The following NR2C2 variants were observed in gnomAD, a reference collection of about 807,000 sequenced individuals.
NR2C2 encodes Nuclear hormone receptor TR4.
In NR2C2, 6 loss-of-function variants were observed where a neutral mutation model predicts 62.9. The observed-to-expected ratio is 0.10, with a 90% CI of 0.05 to 0.19. The LOEUF (loss-of-function observed/expected upper bound fraction) is 0.19. Among genes scored for constraint, NR2C2 ranks in the 10% least tolerant of loss-of-function variants. The pLI, the probability that NR2C2 is intolerant of heterozygous loss-of-function variation, is 1.00. For synonymous variants in NR2C2, 272 were observed against 273.8 expected (o/e 0.99, Z 0.07); for missense variants, 479 against 762.7 (o/e 0.63, Z 4.38).
intron 2 of NR2C2, among the ~76,000 whole-genome samples, chr3:15,009,641 A>G (rs760804943): frequency 1.3e-5 from 2 of 152,238 alleles, no homozygotes; most frequent in South Asian, 4.1e-4. Flanking sequence ...GTTTACAGAC[A>G]GGAATTTAAG....
intron 3 of NR2C2, among the ~76,000 whole-genome samples, chr3:15,015,464 A>G (rs189377236): frequency 1.9e-4 from 29 of 152,336 alleles, no homozygotes; most frequent in Non-Finnish European, 3.7e-4. Flanking sequence ...TTAATTAATA[A>G]AGTTTGGTTA....
chr3:14,950,955 C>T (rs1265583583), intron 1 of NR2C2, among the ~76,000 whole-genome samples: 1 of 152,204 alleles, frequency 6.6e-6, no homozygotes, highest in Admixed American at 6.5e-5. Context: ...AGATATGCCA[C>T]TTTCTGGAGA....
At chr3:14,972,793 A>C (rs1348111955) in intron 1 of NR2C2, among the ~76,000 whole-genome samples, 1 of 152,176 alleles carries the variant, frequency 6.6e-6, no homozygotes, top group Non-Finnish European at 1.5e-5. Context: ...CAGACAAAGC[A>C]GGAGCAGGTG....
At chr3:14,957,254 C>T (rs1245928267) in intron 1 of NR2C2, among the ~76,000 whole-genome samples, 1 of 151,910 alleles carries the variant, frequency 6.6e-6, no homozygotes, top group Non-Finnish European at 1.5e-5. Flanking sequence ...CAGCCTCACT[C>T]ATTCCTATTA....
chr3:14,958,744 G>A (rs2039601372), intron 1 of NR2C2, among the ~76,000 whole-genome samples: 1 of 152,248 alleles, frequency 6.6e-6, no homozygotes, highest in Non-Finnish European at 1.5e-5. Context: ...TTGGAAGGCT[G>A]AGGCAGGCAG....
rs557273832 is a variant in NR2C2 at position 15,043,863 on chromosome 3, G to C, written c.*855G>C. ...TAGTCAGACATTAACTGCCAAATGA[G>C]ATGTACAGTTCCTCCAGCAAGTGAA... On this transcript the variant is annotated 3_prime_UTR_variant, in exon 14 of 14. Coordinates refer to ENST00000425241, the MANE Select transcript of NR2C2 (RefSeq NM_001291694.2). 6.6e-6 allele frequency: 1 copy of C among 152,346 alleles called. No individual in the cohort carries two copies. Among genetic ancestry groups the C allele is most frequent in the South Asian group, 2.1e-4 (1 of 4,824 alleles). 9.4% of individuals were successfully genotyped at this position (152,346 alleles called of 1,614,324 possible). A position where few individuals can be genotyped will look rare whatever the true frequency, so the allele number is the denominator to read the frequency against.
chr3:14,974,962 T>C (rs1012939154), intron 1 of NR2C2, among the ~76,000 whole-genome samples: 2 of 152,234 alleles, frequency 1.3e-5, no homozygotes, highest in African/African-American at 4.8e-5. Context: ...GCTTCCTTGG[T>C]TAAATTTAAT....
intron 8 of NR2C2, among the ~76,000 whole-genome samples, chr3:15,029,792 A>AC (rs1553571907): frequency 2.2e-5 from 3 of 139,194 alleles, no homozygotes; most frequent in Non-Finnish European, 3.0e-5. Context: ...GTAAATAAAT[A>AC]ATAGATAGAT....
In NR2C2 at chr3:15,039,095, T is replaced by TGGG. The variant is rs10663366; in HGVS notation, c.1511-20_1511-18dup. On this transcript the variant is annotated intron_variant, in intron 12 of 13. Coordinates refer to ENST00000425241, the MANE Select transcript of NR2C2 (RefSeq NM_001291694.2). Reference sequence around the variant, plus strand: ...GAGACTTTTCAAATACAGAGGGAACTGGGGGGGGGTACTTTTCTGTTTTCA... The same window carrying TGGG: ...GAGACTTTTCAAATACAGAGGGAACTGGGGGGGGGGGGTACTTTTCTGTTTTCA... 2.7e-4 allele frequency: 386 copies of TGGG among 1,443,218 alleles called. 1 individual carries two copies. Among genetic ancestry groups the TGGG allele is most frequent in the African/African-American group, 1.7e-3 (122 of 70,522 alleles). The allele number at this position is 1,443,218 out of a possible 1,614,324, so 89.4% of individuals were successfully genotyped here.
At chr3:15,004,581 T>C (rs77813966) in intron 2 of NR2C2, 69,284 of 1,612,742 alleles carry the variant, frequency 0.043, 1,692 homozygotes, top group South Asian at 0.049. Flanking sequence ...CTCTGGCCCA[T>C]TGAGTGTTTT....
chr3:14,965,632 T>G (rs2039825509), intron 1 of NR2C2, among the ~76,000 whole-genome samples: 1 of 137,412 alleles, frequency 7.3e-6, no homozygotes, highest in Non-Finnish European at 1.6e-5. Context: ...TTCCTAGATT[T>G]CCTTGCTGTT....
intron 1 of NR2C2, among the ~76,000 whole-genome samples, chr3:14,969,168 C>T (rs1219794010): frequency 1.3e-5 from 2 of 151,720 alleles, no homozygotes; most frequent in East Asian, 3.9e-4. Context: ...AAAAAAATTT[C>T]CCTCTATAAC....
intron 4 of NR2C2, 77 bp downstream of exon 4, chr3:15,016,331 T>A: frequency 9.4e-7 from 1 of 1,060,698 alleles, no homozygotes; most frequent in Non-Finnish European, 1.4e-6. Flanking sequence ...GGGGTGGTAG[T>A]TAATTTAGAA....
intron 1 of NR2C2, among the ~76,000 whole-genome samples, chr3:14,980,317 T>TAA (rs748246980): frequency 3.4e-4 from 47 of 136,322 alleles, no homozygotes; most frequent in Middle Eastern, 7.2e-3. Context: ...CCCAGCTAAT[T>TAA]AAAAAAAAAA....
rs763313275 is a variant in NR2C2, at chr3:15,034,769, G to A, written c.1332G>A (p.Leu444=). The A allele has an allele frequency of 1.9e-6, 3 of 1,613,888 alleles. No individual in the cohort carries two copies. Among genetic ancestry groups the A allele is most frequent in the Non-Finnish European group, 2.5e-6 (3 of 1,179,906 alleles). ...AGGTCATGAGTCTCTCCACCATCCT[G>A]GCTGCCATTGTCAACCACCTGCAGA... ...CAQVMSLSTI[L]AAIVNHLQNS... Residue 444 remains leucine, a synonymous_variant, in exon 11 of 14, where the codon CTG becomes CTA. Transcript: ENST00000425241.
chr3:15,037,776 G>A (rs2042145548), intron 11 of NR2C2, among the ~76,000 whole-genome samples: 1 of 152,218 alleles, frequency 6.6e-6, no homozygotes, highest in Non-Finnish European at 1.5e-5. Context: ...AGAATCACTG[G>A]TCTAGGGATT....
At chr3:15,019,495 A>G (rs1181160156) in intron 4 of NR2C2, among the ~76,000 whole-genome samples, 1 of 152,250 alleles carries the variant, frequency 6.6e-6, no homozygotes, top group Admixed American at 6.5e-5. Flanking sequence ...ACTATTTACA[A>G]TGGCCAAGAT....
chr3:14,989,564 G>A (rs1384473619), intron 1 of NR2C2, among the ~76,000 whole-genome samples: 1 of 152,090 alleles, frequency 6.6e-6, no homozygotes, highest in East Asian at 1.9e-4. Context: ...AGAGGCCCAG[G>A]TGGAAGGATC....
At chr3:15,037,245 G>GT (rs1394071475) in intron 11 of NR2C2, among the ~76,000 whole-genome samples, 2 of 150,154 alleles carry the variant, frequency 1.3e-5, no homozygotes, top group Non-Finnish European at 3.0e-5. Context: ...GTGTGTTTTT[G>GT]TTTTTTGTAG....
Sources: gnomAD v4.1 joint callset for allele counts (sites outside exome capture counted in the v4.1 genomes callset) on GRCh38, gnomAD v4.1.1 for gene constraint, MANE v1.5 for transcripts, NCBI Gene and HGNC (gene_info 2026-07-23, HGNC 2026-07-21) for gene names.